The following AEBP2 variants were observed in gnomAD, a reference collection of about 807,000 sequenced individuals.
The protein encoded by AEBP2 is zinc finger protein AEBP2.
A neutral mutation model predicts 50.8 loss-of-function variants in AEBP2; 10 were observed. The ratio of observed to expected loss-of-function variants is 0.20; its 90% confidence interval spans 0.12 to 0.33. The LOEUF (loss-of-function observed/expected upper bound fraction) is 0.33. AEBP2 is among the 10% of genes least tolerant of loss of function. AEBP2 has a pLI of 1.00. For missense variants in AEBP2, 570 were observed against 688.0 expected (o/e 0.83, Z 1.92); for synonymous variants, 296 against 261.3 (o/e 1.13, Z -1.28).
rs1055824256 is a variant in AEBP2, at chr12:19,425,696, T to G, written c.-17+21480T>G. 3.5e-5 allele frequency among the ~76,000 whole-genome samples: 5 copies of G among 142,078 alleles called. No individual in the cohort carries two copies. In the Admixed American group the frequency reaches 3.9e-4, roughly 11 times the overall value. The allele number at this position is 142,078 out of a possible 152,430, so 93.2% of individuals were successfully genotyped here. ...GCTGAGACAGGAGAATCACTTGACCTGGGAGGTGTAGGCTGCAGCAAGCCG... is the reference window on the plus strand; with the variant it reads ...GCTGAGACAGGAGAATCACTTGACCGGGGAGGTGTAGGCTGCAGCAAGCCG... On this transcript the variant is annotated intron_variant, in intron 1 of 3. Coordinates refer to the AEBP2 transcript ENST00000538425.
At chr12:19,509,981 C>A (rs1173742717) in intron 5 of AEBP2, among the ~76,000 whole-genome samples, 2 of 151,770 alleles carry the variant, frequency 1.3e-5, no homozygotes, top group Non-Finnish European at 2.9e-5. Context: ...TACTGACGTG[C>A]ACCATCACAC....
chr12:19,493,755 C>T lies in AEBP2; in HGVS notation c.988-45C>T, dbSNP rs148739945. 9.6e-5 allele frequency: 151 copies of T among 1,571,854 alleles called. 1 individual carries two copies. In the African/African-American group the frequency reaches 1.2e-3, roughly 13 times the overall value. ...TCACTCATTGATATTCTTCTCGTGCCCTACACAGCATGCCTGACGTTATTT... is the reference window on the plus strand; with the variant it reads ...TCACTCATTGATATTCTTCTCGTGCTCTACACAGCATGCCTGACGTTATTT... On this transcript the variant is annotated intron_variant, in intron 3 of 7. Transcript: ENST00000266508.
chr12:19,415,316 C>CAAA (rs869125193), intron 1 of AEBP2, among the ~76,000 whole-genome samples: 1 of 59,546 alleles, frequency 1.7e-5, no homozygotes, highest in Non-Finnish European at 2.6e-5. Flanking sequence ...GACCCTGTCT[C>CAAA]AAAAAAAAAA....
intron 1 of AEBP2, among the ~76,000 whole-genome samples, chr12:19,448,443 C>T (rs1948111329): frequency 6.6e-6 from 1 of 151,664 alleles, no homozygotes; most frequent in Admixed American, 6.6e-5. Context: ...TGAGATCGTG[C>T]CATTGTGCTC....
intron 1 of AEBP2, among the ~76,000 whole-genome samples, chr12:19,430,595 C>A (rs896840840): frequency 2.2e-4 from 34 of 152,202 alleles, no homozygotes; most frequent in Admixed American, 2.2e-3. Context: ...GATATTGATT[C>A]TTCCTACCCA....
intron 1 of AEBP2, among the ~76,000 whole-genome samples, chr12:19,417,274 G>A (rs1253453975): frequency 2.0e-5 from 3 of 152,010 alleles, no homozygotes; most frequent in Non-Finnish European, 4.4e-5. Context: ...CTAAATACAC[G>A]CCGTACAACT....
intron 6 of AEBP2, among the ~76,000 whole-genome samples, chr12:19,513,696 G>T (rs1323572968): frequency 6.6e-6 from 1 of 152,158 alleles, no homozygotes; most frequent in Non-Finnish European, 1.5e-5. Context: ...CCAGGAGGTT[G>T]AAGCTGCAGT....
chr12:19,497,328 GTTTTTTTTTTTTT>G (rs34011915), intron 4 of AEBP2, among the ~76,000 whole-genome samples: 2 of 78,710 alleles, frequency 2.5e-5, no homozygotes, highest in African/African-American at 1.0e-4. Context: ...TTCCAAAGGT[GTTTTTTTTTTTTT>G]TTTTTTTTTT....
intron 3 of AEBP2, among the ~76,000 whole-genome samples, chr12:19,475,501 T>C (rs929423844): frequency 3.3e-5 from 5 of 152,108 alleles, no homozygotes; most frequent in African/African-American, 7.2e-5. Flanking sequence ...TATCCACTTA[T>C]TGATTGAAGG....
At chr12:19,406,525 A>G (rs1403437379) in intron 1 of AEBP2, among the ~76,000 whole-genome samples, 3 of 152,064 alleles carry the variant, frequency 2.0e-5, no homozygotes, top group African/African-American at 4.8e-5. Context: ...CTAAAAATAC[A>G]GAAAATAGCC....
chr12:19,452,012 T>G (rs1948173208), intron 1 of AEBP2, among the ~76,000 whole-genome samples: 1 of 152,218 alleles, frequency 6.6e-6, no homozygotes. Flanking sequence ...TGCCTCAGCC[T>G]CCTAAGTAGC....
chr12:19,452,570 C>T (rs1346604431), intron 1 of AEBP2, among the ~76,000 whole-genome samples: 1 of 151,542 alleles, frequency 6.6e-6, no homozygotes, highest in Non-Finnish European at 1.5e-5. Flanking sequence ...AACTTTTAAT[C>T]CCTTTGTCAA....
At chr12:19,477,822 T>G (rs761202079) in intron 3 of AEBP2, among the ~76,000 whole-genome samples, 18 of 152,224 alleles carry the variant, frequency 1.2e-4, no homozygotes, top group Non-Finnish European at 2.5e-4. Flanking sequence ...GATTCCCTCT[T>G]TCTCTGTCTT....
In AEBP2 at chr12:19,456,479, T is replaced by C; in HGVS notation, c.672-6031T>C. 1.1e-5 allele frequency: 17 copies of C among 1,486,174 alleles called. 1 individual carries two copies. In the South Asian group the frequency reaches 1.6e-4, roughly 14 times the overall value. 92.1% of individuals were successfully genotyped at this position (1,486,174 alleles called of 1,614,324 possible). On this transcript the variant is annotated intron_variant, in intron 1 of 7. Coordinates refer to ENST00000266508, the MANE Select transcript of AEBP2 (RefSeq NM_153207.5). ...AGAAGTTAGGGCCATCTTCCAGCTT[T>C]TTACCAACATGGCGATCCATCTTTT...
At chr12:19,500,866 T>G (rs1463373616) in intron 5 of AEBP2, among the ~76,000 whole-genome samples, 1 of 152,194 alleles carries the variant, frequency 6.6e-6, no homozygotes, top group Non-Finnish European at 1.5e-5. Context: ...TATTTTTTGG[T>G]TAATTAGGAG....
At chr12:19,447,202 A>G (rs574145894) in intron 1 of AEBP2, among the ~76,000 whole-genome samples, 2 of 152,356 alleles carry the variant, frequency 1.3e-5, no homozygotes, top group African/African-American at 4.8e-5. Flanking sequence ...TACGTCTCTC[A>G]GTATAGGTTT....
chr12:19,466,744 T>C (rs1020213435), intron 2 of AEBP2: 1 of 957,786 alleles, frequency 1.0e-6, no homozygotes, highest in African/African-American at 1.8e-5. Flanking sequence ...CTTTCTCTCT[T>C]AAGTGTTAAA....
intron 1 of AEBP2, among the ~76,000 whole-genome samples, chr12:19,409,959 G>A (rs899322705): frequency 1.7e-4 from 26 of 152,110 alleles, no homozygotes; most frequent in African/African-American, 6.3e-4. Flanking sequence ...CCAAAAGCTA[G>A]AGTTTCCCTA....
intron 1 of AEBP2, among the ~76,000 whole-genome samples, chr12:19,445,351 A>C (rs1004191643): frequency 1.3e-5 from 2 of 148,356 alleles, no homozygotes; most frequent in Non-Finnish European, 3.0e-5. Context: ...GGCGCATGCC[A>C]CCGTGCCCTG....
Sources: allele counts gnomAD v4.1 joint callset (sites outside exome capture counted in the v4.1 genomes callset), GRCh38; gene constraint gnomAD v4.1.1; transcripts MANE v1.5; gene names NCBI Gene and HGNC (gene_info 2026-07-23, HGNC 2026-07-21).